TMEM217: variants seen among roughly 807,000 people sequenced by gnomAD.
TMEM217 encodes transmembrane protein 217, also known as chromosome 6 open reading frame 128.
For synonymous variants in TMEM217, 76 were observed against 88.3 expected (o/e 0.86, Z 0.78); for missense variants, 204 against 248.8 (o/e 0.82, Z 1.21).
At chr6:37,245,616 G>A (rs1028062671) in intron 1 of TMEM217, among the ~76,000 whole-genome samples, 4 of 152,096 alleles carry the variant, frequency 2.6e-5, no homozygotes, top group Admixed American at 6.6e-5. Context: ...GAAATTCTCC[G>A]TATGTGGGAA....
At chr6:37,251,555 A>G (rs1765400595) in intron 1 of TMEM217, among the ~76,000 whole-genome samples, 1 of 152,256 alleles carries the variant, frequency 6.6e-6, no homozygotes, top group Non-Finnish European at 1.5e-5. Flanking sequence ...TGAAAAAGCC[A>G]GTTGCTGAAG....
chr6:37,258,054 G>A, exon 1 of TMEM217: 1 of 1,498,012 alleles, frequency 6.7e-7, no homozygotes, highest in Non-Finnish European at 9.1e-7. Flanking sequence ...CGGGCCTGGG[G>A]CGCCACAGAG....
In TMEM217 at chr6:37,257,718, G is replaced by A. The variant is rs1465887732; in HGVS notation, c.-162C>T. On this transcript the variant is annotated 5_prime_UTR_variant, in exon 1 of 2. In the 5' UTR this introduces an upstream ATG that the reference lacks. Transcript: ENST00000357219. The stretch of plus-strand genomic sequence containing the variant: ...ATTCCGGCTCCCAATTGGTCGGCCC[G>A]TCCACGGCTTGCGCAGCTCACCAAT... The A allele has an allele frequency of 1.4e-5, 8 of 574,432 alleles. No homozygotes were observed. The highest frequency in any genetic ancestry group is 8.9e-5 in the South Asian group (4 of 44,942). The allele number at this position is 574,432 out of a possible 1,614,324, so 35.6% of individuals were successfully genotyped here.
At position 37,234,126 on chromosome 6, in the gene TMEM217, G is replaced by A. The variant is rs191494823; in HGVS notation, c.-11-15085C>T. ...CCTTTTTTTTTTTTTTTTTGAGATA[G>A]TCTTGCTCTGTCACCCAGGATGGAG... On this transcript the variant is annotated intron_variant, in intron 1 of 1. Coordinates refer to ENST00000357219, the Ensembl canonical transcript of TMEM217. Among the ~76,000 whole-genome samples the A allele has an allele frequency of 2.2e-5, 3 of 138,516 alleles. No homozygotes were observed. In the East Asian group the frequency reaches 6.3e-4, roughly 29 times the overall value. The allele number at this position is 138,516 out of a possible 152,430, so 90.9% of individuals were successfully genotyped here.
At chr6:37,221,410 C>T (rs1340783817) in intron 1 of TMEM217, among the ~76,000 whole-genome samples, 2 of 152,144 alleles carry the variant, frequency 1.3e-5, no homozygotes, top group Non-Finnish European at 2.9e-5. Flanking sequence ...TGGTCTCAAA[C>T]TCCTGACCTC....
intron 1 of TMEM217, among the ~76,000 whole-genome samples, chr6:37,241,877 C>T (rs571534924): frequency 6.6e-6 from 1 of 152,142 alleles, no homozygotes; most frequent in African/African-American, 2.4e-5. Flanking sequence ...TGTATGTAAC[C>T]GTGTAAATTT....
chr6:37,257,840 C>T (rs1765855248), exon 1 of TMEM217: 1 of 1,527,530 alleles, frequency 6.5e-7, no homozygotes, highest in South Asian at 1.2e-5. Flanking sequence ...CTGGGTTGGC[C>T]CTCAGATTGC....
chr6:37,226,182 A>T (rs1161872488), intron 1 of TMEM217, among the ~76,000 whole-genome samples: 1 of 147,338 alleles, frequency 6.8e-6, no homozygotes, highest in African/African-American at 2.5e-5. Context: ...GTCTATGCTT[A>T]TTTACCATCT....
downstream of TMEM217, chr6:37,212,991 C>A (rs1238009223): frequency 6.5e-6 from 10 of 1,536,854 alleles, 1 homozygote; most frequent in South Asian, 7.3e-5. Context: ...TTTACCAGAG[C>A]ACCTCCTGCA....
At chr6:37,243,995 A>G (rs962196123) in intron 1 of TMEM217, among the ~76,000 whole-genome samples, 1 of 152,238 alleles carries the variant, frequency 6.6e-6, no homozygotes, top group African/African-American at 2.4e-5. Context: ...TAGGTTCTAC[A>G]GTAGTGATGT....
downstream of TMEM217, among the ~76,000 whole-genome samples, chr6:37,214,744 T>A (rs567339377): frequency 1.3e-5 from 2 of 152,324 alleles, no homozygotes. Context: ...TCATCCCAAA[T>A]ATTCTTATAC....
chr6:37,227,814 G>A (rs188704147), intron 1 of TMEM217, among the ~76,000 whole-genome samples: 33 of 151,718 alleles, frequency 2.2e-4, no homozygotes, highest in African/African-American at 6.5e-4. Flanking sequence ...ACATGCTTAC[G>A]TGAAGTAAAT....
chr6:37,231,821 G>A (rs572258624), intron 1 of TMEM217, among the ~76,000 whole-genome samples: 6 of 149,088 alleles, frequency 4.0e-5, no homozygotes, highest in Non-Finnish European at 8.9e-5. Flanking sequence ...CAGGAAATGG[G>A]GCTACTCTGC....
rs566508278 is a variant in TMEM217, at chr6:37,244,029, T to A, written c.-12+13539A>T. Reference sequence around the variant, plus strand: ...GTTATCTACAGGGGAACTGGGGAAGTTACAAATTTTGTGACCTCTGGAACA... The same window carrying A: ...GTTATCTACAGGGGAACTGGGGAAGATACAAATTTTGTGACCTCTGGAACA... On this transcript the variant is annotated intron_variant, in intron 1 of 1. Transcript: ENST00000357219. 3.9e-5 allele frequency among the ~76,000 whole-genome samples: 6 copies of A among 152,326 alleles called. No homozygotes were observed. The South Asian group carries it at 1.2e-3, about 32-fold the overall frequency.
intron 1 of TMEM217, among the ~76,000 whole-genome samples, chr6:37,250,400 C>T (rs1023869794): frequency 8.5e-5 from 13 of 152,236 alleles, no homozygotes; most frequent in Admixed American, 8.5e-4. Flanking sequence ...TTTATACATT[C>T]TCTTGTGTGT....
exon 4 of TMEM217, chr6:37,212,550 G>A (rs544675575): frequency 4.1e-5 from 19 of 460,528 alleles, no homozygotes; most frequent in Middle Eastern, 3.2e-4. Context: ...CATGCTTGAC[G>A]ATGAAGGGCA....
chr6:37,256,951 T>A (rs1004921090), intron 1 of TMEM217, among the ~76,000 whole-genome samples: 2 of 152,140 alleles, frequency 1.3e-5, no homozygotes, highest in Non-Finnish European at 2.9e-5. Flanking sequence ...AAAATTAGAT[T>A]GAAAATAAAT....
At chr6:37,237,120 GT>G (rs1764546967) in intron 1 of TMEM217, among the ~76,000 whole-genome samples, 1 of 152,194 alleles carries the variant, frequency 6.6e-6, no homozygotes, top group Non-Finnish European at 1.5e-5. Context: ...TTAGAAGTGA[GT>G]CACCAAGGCC....
At chr6:37,242,096 G>A (rs1263114223) in intron 1 of TMEM217, among the ~76,000 whole-genome samples, 1 of 148,954 alleles carries the variant, frequency 6.7e-6, no homozygotes, top group Non-Finnish European at 1.5e-5. Flanking sequence ...CTTGGAATCT[G>A]AGGGAAGAGT....
Sources: allele counts gnomAD v4.1 joint callset (sites outside exome capture counted in the v4.1 genomes callset), GRCh38; gene constraint gnomAD v4.1.1; transcripts MANE v1.5; gene names NCBI Gene and HGNC (gene_info 2026-07-23, HGNC 2026-07-21).